The following BRWD1 variants were observed in gnomAD, a reference collection of about 807,000 sequenced individuals.
The protein encoded by BRWD1 is bromodomain and WD repeat-containing protein 1.
In BRWD1, 82 loss-of-function variants were observed where a neutral mutation model predicts 251.2. The ratio of observed to expected loss-of-function variants is 0.33; its 90% CI spans 0.27 to 0.39. The LOEUF is 0.39. BRWD1 is among the 10% of genes least tolerant of loss of function. The pLI is 1.00. For synonymous variants in BRWD1, 918 were observed against 902.8 expected (o/e 1.02, Z -0.30); for missense variants, 2,233 against 2,711.6 (o/e 0.82, Z 3.92).
intron 8 of BRWD1, among the ~76,000 whole-genome samples, chr21:39,283,714 T>G (rs913636363): frequency 6.6e-6 from 1 of 152,226 alleles, no homozygotes; most frequent in African/African-American, 2.4e-5. Context: ...TATTTTTAAC[T>G]TCTGGGGGCT....
chr21:39,232,448 A>G lies in BRWD1; in HGVS notation c.2817T>C (p.Tyr939=), dbSNP rs1330904251. 1.9e-6 allele frequency: 3 copies of G among 1,588,054 alleles called. No homozygotes were observed. The East Asian group carries it at 6.7e-5, about 35-fold the overall frequency. The change falls in exon 24 of 41, where the codon TAT becomes TAC. Residue 939 remains tyrosine, a synonymous_variant. Transcript: ENST00000342449. ...TAATCCAAACTGGAGGGTGAAATTC[A>G]TATAAATGCTCCATATTTGCAAGCT... ...PAELANMEHL[Y]EFHPPVWITD...
intron 8 of BRWD1, among the ~76,000 whole-genome samples, chr21:39,287,653 C>A (rs2035682737): frequency 6.6e-6 from 1 of 152,148 alleles, no homozygotes; most frequent in Non-Finnish European, 1.5e-5. Context: ...GTTCCCTGAA[C>A]AATGTGTTTT....
chr21:39,301,978 G>GTTTTTT lies in BRWD1; in HGVS notation c.199-3402_199-3397dup, dbSNP rs750413248. 2.9e-3 allele frequency among the ~76,000 whole-genome samples: 232 copies of GTTTTTT among 79,858 alleles called. 5 individuals carry two copies. The highest frequency in any genetic ancestry group is 3.4e-3 in the Non-Finnish European group (155 of 45,626). The allele number at this position is 79,858 out of a possible 152,430, so 52.4% of individuals were successfully genotyped here. A position where few individuals can be genotyped will look rare whatever the true frequency, so the allele number is the denominator to read the frequency against. On this transcript the variant is annotated intron_variant, in intron 4 of 40. Transcript: ENST00000342449. ...AAACCTTTGTTAAAAAGCTTTGTGT[G>GTTTTTT]TTTTTTTTTTTTTTTTTTTTTTTTG...
rs2033481266 is a variant in BRWD1, at chr21:39,228,648, C to T, written c.3126-66G>A. ...CAGGTTATATAGTCTAAAAGCAGCA[C>T]TGTCCAAAAGAAACATGAGATCTAC... is the stretch of plus-strand genomic sequence containing the variant. On this transcript the variant is annotated intron_variant, in intron 26 of 40. Transcript: ENST00000342449. 7 of 876,568 alleles carry T rather than the reference C, an allele frequency of 8.0e-6. No individual in the cohort carries two copies. The Admixed American group carries it at 1.4e-4, about 17-fold the overall frequency. The allele number at this position is 876,568 out of a possible 1,614,324, so 54.3% of individuals were successfully genotyped here.
At chr21:39,313,358 A>AGCCGGGGGAGCCG (rs1568987332) in intron 1 of BRWD1, 59 bp from the exon 2 acceptor site, 22 of 1,462,834 alleles carry the variant, frequency 1.5e-5, no homozygotes, top group South Asian at 1.0e-4. Flanking sequence ...GGACGGGGCC[A>AGCCGGGGGAGCCG]GGGGAGCCGG....
At chr21:39,302,126 A>G (rs2036138583) in intron 4 of BRWD1, among the ~76,000 whole-genome samples, 1 of 151,344 alleles carries the variant, frequency 6.6e-6, no homozygotes, top group Non-Finnish European at 1.5e-5. Flanking sequence ...TGGGATTACA[A>G]GCACACGCCA....
chr21:39,230,452 A>G (rs2033566322), intron 25 of BRWD1, among the ~76,000 whole-genome samples: 1 of 152,240 alleles, frequency 6.6e-6, no homozygotes, highest in Admixed American at 6.5e-5. Flanking sequence ...ATAAAATACT[A>G]AATCAGTGCT....
chr21:39,318,855 A>G (rs551527200), intron 1 of BRWD1, among the ~76,000 whole-genome samples: 1 of 152,172 alleles, frequency 6.6e-6, no homozygotes, highest in South Asian at 2.1e-4. Context: ...CCTGGCCTCA[A>G]GTGATCCTCC....
At chr21:39,246,798 T>C (rs1479655368) in intron 21 of BRWD1, among the ~76,000 whole-genome samples, 2 of 152,104 alleles carry the variant, frequency 1.3e-5, no homozygotes. Flanking sequence ...TAAGAGCCCG[T>C]CCGGCTGGGC....
At chr21:39,215,421 A>T in intron 31 of BRWD1, 59 bp from the exon 32 acceptor site, 1 of 1,454,900 alleles carries the variant, frequency 6.9e-7, no homozygotes, top group Non-Finnish European at 9.4e-7. Context: ...AACCAAGTGA[A>T]AAAATGCAGC....
Position 39,281,872 on chromosome 21 carries a change from C to CAAA in BRWD1, c.832-1627_832-1625dup, listed in dbSNP as rs34428135. ...AACACAGCAAGACTCCTTCACCTAC[C>CAAA]AAAAAAAATATATATATATATGTAT... On this transcript the variant is annotated intron_variant, in intron 8 of 40. Transcript: ENST00000342449. 1.1e-3 allele frequency among the ~76,000 whole-genome samples: 118 copies of CAAA among 104,164 alleles called. 2 individuals carry two copies. The highest frequency in any genetic ancestry group is 4.6e-3 in the African/African-American group (114 of 24,586). The allele number at this position is 104,164 out of a possible 152,430, so 68.3% of individuals were successfully genotyped here.
rs191643931 is a variant in BRWD1, at chr21:39,210,436, T to C, written c.4045-289A>G. ...TCTGTGCTGTTATAATCCAACTTTTTTTATAAAGTCATCTTTCAATTTCCC... is the reference window on the plus strand; with the variant it reads ...TCTGTGCTGTTATAATCCAACTTTTCTTATAAAGTCATCTTTCAATTTCCC... On this transcript the variant is annotated intron_variant, in intron 35 of 40. Transcript: ENST00000342449. Among the ~76,000 whole-genome samples, 52 of 152,308 alleles carry C rather than the reference T, an allele frequency of 3.4e-4. 2 individuals are homozygous for C. Among genetic ancestry groups the C allele is most frequent in the African/African-American group, 1.2e-3 (50 of 41,580 alleles).
Position 39,213,486 on chromosome 21 carries a change from C to T in BRWD1, c.3853G>A (p.Asp1285Asn), listed in dbSNP as rs986172006. ...TSENDEQNAEDLDDSDLPKTS... is the reference protein window; with the variant it reads ...TSENDEQNAENLDDSDLPKTS... ...AAAATCAACAAACTTCATACCAAATCCTCAGCATTTTGCTCATCATTTTCA... is the reference window on the plus strand; with the variant it reads ...AAAATCAACAAACTTCATACCAAATTCTCAGCATTTTGCTCATCATTTTCA... Residue 1285 changes from aspartate to asparagine, a missense_variant, in exon 33 of 41, where the codon GAT becomes AAT. By Grantham distance (23) the Asp-to-Asn change is conservative (BLOSUM62 1). Coordinates refer to ENST00000342449, the MANE Select transcript of BRWD1 (RefSeq NM_033656.4). The T allele has an allele frequency of 5.0e-6, 8 of 1,610,352 alleles. No individual in the cohort carries two copies. Among genetic ancestry groups the T allele is most frequent in the Non-Finnish European group, 5.1e-6 (6 of 1,178,404 alleles).
chr21:39,205,771 CAAAAATAAATA>C (rs1043947824), intron 37 of BRWD1, among the ~76,000 whole-genome samples: 1 of 150,764 alleles, frequency 6.6e-6, no homozygotes, highest in African/African-American at 2.4e-5. Context: ...ACTCCGTCTC[CAAAAATAAATA>C]AAAAATAAAT....
At position 39,187,604 on chromosome 21, in the gene BRWD1, T is replaced by C; in HGVS notation, c.*8655A>G. 1.0e-6 allele frequency: 1 copy of C among 985,184 alleles called. No homozygotes were observed. The highest frequency in any genetic ancestry group is 1.2e-6 in the Non-Finnish European group (1 of 829,700). The allele number at this position is 985,184 out of a possible 1,614,324, so 61.0% of individuals were successfully genotyped here. A position where few individuals can be genotyped will look rare whatever the true frequency, so the allele number is the denominator to read the frequency against. ...TGATATAACCTTACATTTGCTTATCTACAACTATAAGGATGTCACTTAAAA... is the reference window on the plus strand; with the variant it reads ...TGATATAACCTTACATTTGCTTATCCACAACTATAAGGATGTCACTTAAAA... On this transcript the variant is annotated 3_prime_UTR_variant, in exon 41 of 41. Transcript: ENST00000342449.
chr21:39,298,412 A>T lies in BRWD1; in HGVS notation c.349+20T>A, dbSNP rs2036016229. 1 of 1,564,290 alleles carries T rather than the reference A, an allele frequency of 6.4e-7. No homozygotes were observed. Among genetic ancestry groups the T allele is most frequent in the Non-Finnish European group, 8.6e-7 (1 of 1,161,826 alleles). Reference sequence around the variant, plus strand: ...TTAGGCTATTAATACAAAGCAGAACACTTCTTCAAATTAAGGTACCTTTTG... The same window carrying T: ...TTAGGCTATTAATACAAAGCAGAACTCTTCTTCAAATTAAGGTACCTTTTG... On this transcript the variant is annotated intron_variant, in intron 5 of 40. Transcript: ENST00000342449.
At chr21:39,282,927 C>G (rs977897755) in intron 8 of BRWD1, among the ~76,000 whole-genome samples, 12 of 149,690 alleles carry the variant, frequency 8.0e-5, no homozygotes. Flanking sequence ...CCACTGTACT[C>G]CAGCCTGGGC....
At chr21:39,203,684 A>G (rs964392612) in intron 37 of BRWD1, among the ~76,000 whole-genome samples, 2 of 150,582 alleles carry the variant, frequency 1.3e-5, no homozygotes, top group Admixed American at 6.6e-5. Context: ...TGGGATTACA[A>G]GCGTGAGCCA....
chr21:39,250,727 T>G, intron 20 of BRWD1, 69 bp downstream of exon 20: 1 of 1,014,980 alleles, frequency 9.9e-7, no homozygotes, highest in Non-Finnish European at 1.4e-6. Context: ...GATAGTTTTA[T>G]AAATCAAAAA....
Sources: allele counts gnomAD v4.1 joint callset (sites outside exome capture counted in the v4.1 genomes callset), GRCh38; gene constraint gnomAD v4.1.1; transcripts MANE v1.5; gene names NCBI Gene and HGNC (gene_info 2026-07-23, HGNC 2026-07-21).